The following MTR variants were observed in gnomAD, a reference collection of about 807,000 sequenced individuals.
MTR encodes the protein 5-methyltetrahydrofolate-homocysteine methyltransferase, also known as methionine synthase.
In MTR, 84 loss-of-function variants were observed where a neutral mutation model predicts 154.8. The ratio of observed to expected loss-of-function variants is 0.54; its 90% CI spans 0.45 to 0.65. The LOEUF (loss-of-function observed/expected upper bound fraction) is 0.65. Among genes scored for constraint, MTR ranks in the 30% least tolerant of loss-of-function variants. The probability of loss-of-function intolerance (pLI) is 0.00; values close to 1 mark genes in which losing one functional copy is unlikely to be tolerated. For synonymous variants in MTR, 554 were observed against 553.9 expected, an observed-to-expected ratio of 1.00 and a Z score of 0.00; for missense variants, 1,275 against 1,570.2, an observed-to-expected ratio of 0.81 and a Z score of 3.18.
rs1268402814 is a variant in MTR, at chr1:236,812,773, G to A, written c.538G>A (p.Ala180Thr). ...DELVEAYQEQ[A>T]KGLLDGGVDI... ...GCTTGTTGAAGCATACCAAGAGCAG[G>A]CCAAAGGACTTCTGGATGGCGGGGT... The change falls in exon 6 of 33, where the codon GCC becomes ACC. Residue 180 changes from alanine (A) to threonine (T), a missense_variant. Ala to Thr is a moderately conservative substitution (Grantham distance 58). Transcript: ENST00000366577. The A allele has an allele frequency of 6.2e-7, 1 of 1,613,980 alleles. No individual in the cohort carries two copies. Among genetic ancestry groups the A allele is most frequent in the African/African-American group, 1.3e-5 (1 of 74,894 alleles).
At chr1:236,852,423 G>GTTT in intron 16 of MTR, 98 bp from the exon 17 acceptor site, 10 of 875,630 alleles carry the variant, frequency 1.1e-5, no homozygotes, top group South Asian at 4.2e-5. Context: ...GATGCTTTTT[G>GTTT]TTTTTTTTTC....
intron 32 of MTR, among the ~76,000 whole-genome samples, 182 bp downstream of exon 32, chr1:236,897,300 CCACACACACGCACA>C (rs1558350612): frequency 3.3e-5 from 1 of 30,714 alleles, no homozygotes; most frequent in African/African-American, 9.7e-5. Context: ...TACATGCAAG[CCACACACACGCACA>C]CACACACACA....
Position 236,835,668 on chromosome 1 carries a change from C to A in MTR, c.1310C>A (p.Ser437Tyr), listed in dbSNP as rs368619885. 4.0e-5 allele frequency: 65 copies of A among 1,611,966 alleles called. No individual in the cohort carries two copies. The highest frequency in any genetic ancestry group is 5.4e-5 in the Non-Finnish European group (64 of 1,179,668). ...AMTRFCNLIASEPDIAKVPLC... is the reference protein window; with the variant it reads ...AMTRFCNLIAYEPDIAKVPLC... ...ACCAGATTTTGCAACTTAATTGCTT[C>A]CGAGCCAGACATCGCAAAGGTTATA... The change falls in exon 14 of 33, where the codon TCC becomes TAC. Residue 437 changes from serine to tyrosine, a missense_variant. Ser to Tyr is a moderately radical substitution (Grantham distance 144). Transcript: ENST00000366577.
At chr1:236,809,941 C>T (rs1661203993) in intron 4 of MTR, among the ~76,000 whole-genome samples, 1 of 152,122 alleles carries the variant, frequency 6.6e-6, no homozygotes, top group Non-Finnish European at 1.5e-5. Flanking sequence ...ATTGTTAATC[C>T]TGATTTAGTA....
chr1:236,812,153 C>T (rs911958083), intron 5 of MTR, among the ~76,000 whole-genome samples: 6 of 152,240 alleles, frequency 3.9e-5, no homozygotes, highest in Admixed American at 6.5e-5. Context: ...ACAGTGCTGG[C>T]GTGAGCCACT....
At chr1:236,887,496 C>G (rs185031822) in intron 27 of MTR, among the ~76,000 whole-genome samples, 5 of 152,196 alleles carry the variant, frequency 3.3e-5, no homozygotes. Context: ...GTTCAAGCTC[C>G]GATTATTTGC....
rs772400119 is a variant in MTR at position 236,889,295 on chromosome 1, C to T, written c.2966C>T (p.Pro989Leu). ...GTCTGGCAGCTCCGGGGCAAGTACC[C>T]GAATCGAGGCTTTCCCAAGATATTT... ...FDVWQLRGKY[P>L]NRGFPKIFND... The change falls in exon 28 of 33, where the codon CCG becomes CTG. Residue 989 changes from proline (P) to leucine (L), a missense_variant. Transcript: ENST00000366577. 8.1e-6 allele frequency: 13 copies of T among 1,614,052 alleles called. No individual in the cohort carries two copies. The highest frequency in any genetic ancestry group is 1.7e-5 in the Admixed American group (1 of 60,004).
intron 22 of MTR, among the ~76,000 whole-genome samples, chr1:236,871,718 T>A (rs1665144432): frequency 6.6e-6 from 1 of 152,202 alleles, no homozygotes; most frequent in South Asian, 2.1e-4. Context: ...GCAGTGGTTA[T>A]ACATCATTAA....
In MTR at chr1:236,829,271, G is replaced by T. The variant is rs775515068; in HGVS notation, c.1075+3G>T. 1.2e-6 allele frequency: 2 copies of T among 1,610,194 alleles called. No homozygotes were observed. Among genetic ancestry groups the T allele is most frequent in the Non-Finnish European group, 1.7e-6 (2 of 1,176,540 alleles). On this transcript the variant is annotated splice_donor_region_variant and intron_variant, in intron 12 of 32. Transcript: ENST00000366577. ...TGAAGGACATATGTTACTGTCTGGT[G>T]AGTCATAAAGACCTGGTATTCCTGA...
At chr1:236,817,805 A>G (rs1372725970) in intron 8 of MTR, among the ~76,000 whole-genome samples, 1 of 152,194 alleles carries the variant, frequency 6.6e-6, no homozygotes, top group Non-Finnish European at 1.5e-5. Context: ...ATTAATTTTA[A>G]GTGCATTAAT....
intron 5 of MTR, among the ~76,000 whole-genome samples, chr1:236,812,138 C>T (rs895070929): frequency 1.3e-5 from 2 of 152,248 alleles, no homozygotes; most frequent in Non-Finnish European, 2.9e-5. Context: ...TCACCCCAGG[C>T]CCCCACAGTG....
At chr1:236,861,776 A>T (rs773390786) in intron 20 of MTR, among the ~76,000 whole-genome samples, 1 of 152,212 alleles carries the variant, frequency 6.6e-6, no homozygotes, top group Non-Finnish European at 1.5e-5. Flanking sequence ...CTTGTTGAGC[A>T]TGTAGGTTAG....
At chr1:236,857,700 G>A (rs990116949) in intron 18 of MTR, among the ~76,000 whole-genome samples, 3 of 152,254 alleles carry the variant, frequency 2.0e-5, no homozygotes, top group African/African-American at 7.2e-5. Context: ...CTACAGCTCA[G>A]TGATACATGC....
At chr1:236,812,511 G>A (rs1458248304) in intron 5 of MTR, among the ~76,000 whole-genome samples, 3 of 152,258 alleles carry the variant, frequency 2.0e-5, no homozygotes, top group Admixed American at 1.3e-4. Flanking sequence ...TACATGGGAA[G>A]TGGAAGTTAC....
At chr1:236,848,836 A>G (rs147400815) in intron 15 of MTR, among the ~76,000 whole-genome samples, 26 of 152,354 alleles carry the variant, frequency 1.7e-4, no homozygotes, top group Admixed American at 5.9e-4. Flanking sequence ...TAAGTGATCA[A>G]AAGGCTAGAT....
chr1:236,874,806 A>T lies in MTR; in HGVS notation c.2554A>T (p.Ile852Leu), dbSNP rs753462562. 1 of 1,613,664 alleles carries T rather than the reference A, an allele frequency of 6.2e-7. No individual in the cohort carries two copies. Among genetic ancestry groups the T allele is most frequent in the East Asian group, 2.2e-5 (1 of 44,822 alleles). Residue 852 changes from isoleucine to leucine, a missense_variant, in exon 24 of 33, where the codon ATA (isoleucine) becomes TTA (leucine). Coordinates refer to ENST00000366577, the MANE Select transcript of MTR (RefSeq NM_000254.3). ...FVAKEMERLA[I>L]RIPLLIGGAT... The stretch of plus-strand genomic sequence containing the variant: ...TGCCAAGGAAATGGAGAGATTAGCT[A>T]TAAGGATTCCATTGTTGATTGGAGG...
At chr1:236,795,868 CT>C in intron 1 of MTR, 131 bp downstream of exon 1, 3 of 1,417,838 alleles carry the variant, frequency 2.1e-6, no homozygotes, top group Non-Finnish European at 2.0e-6. Context: ...TGGGCGGCAC[CT>C]TTAGAACTTA....
At chr1:236,892,388 G>A (rs1053861164) in intron 29 of MTR, among the ~76,000 whole-genome samples, 9 of 152,030 alleles carry the variant, frequency 5.9e-5, no homozygotes, top group African/African-American at 2.2e-4. Flanking sequence ...AGGATGAGGC[G>A]GGAGGATCAC....
rs370100678 is a variant in MTR, at chr1:236,897,141, T to G, written c.3711+23T>G. On this transcript the variant is annotated intron_variant, in intron 32 of 32. Transcript: ENST00000366577. Reference sequence around the variant, plus strand: ...CAGGTAAGCTAGCTGTTGCATTATATGTGGCTTGCCTAGTTCAAATGAAAT... The same window carrying G: ...CAGGTAAGCTAGCTGTTGCATTATAGGTGGCTTGCCTAGTTCAAATGAAAT... The G allele has an allele frequency of 4.6e-6, 7 of 1,519,610 alleles. No individual in the cohort carries two copies. The African/African-American group carries it at 9.6e-5, about 21-fold the overall frequency. 94.1% of individuals were successfully genotyped at this position (1,519,610 alleles called of 1,614,324 possible).
Sources: allele counts gnomAD v4.1 joint callset (sites outside exome capture counted in the v4.1 genomes callset), GRCh38; gene constraint gnomAD v4.1.1; transcripts MANE v1.5; gene names NCBI Gene and HGNC (gene_info 2026-07-23, HGNC 2026-07-21).